PHLDB2: variants seen among roughly 807,000 people sequenced by gnomAD.
The protein encoded by PHLDB2 is pleckstrin homology like domain family B member 2, also known as pleckstrin homology-like domain family B member 2.
A neutral mutation model predicts 123.6 loss-of-function variants in PHLDB2; 71 were observed. The observed-to-expected ratio is 0.57, with a 90% CI of 0.47 to 0.70. The LOEUF (loss-of-function observed/expected upper bound fraction) is 0.70, where lower values mean the gene tolerates loss of function less well. Among genes scored for constraint, PHLDB2 ranks in the 30% least tolerant of loss-of-function variants. The pLI, the probability that PHLDB2 is intolerant of heterozygous loss-of-function variation, is 0.00. For synonymous variants in PHLDB2, 547 were observed against 541.6 expected (o/e 1.01, Z -0.14); for missense variants, 1,446 against 1,519.5 (o/e 0.95, Z 0.80).
chr3:111,755,484 G>A (rs1321079000), intron 1 of PHLDB2, among the ~76,000 whole-genome samples: 10 of 135,948 alleles, frequency 7.4e-5, no homozygotes, highest in Admixed American at 1.5e-4. Flanking sequence ...ATTTCTGTGG[G>A]ATCGGTGGTG....
intron 5 of PHLDB2, among the ~76,000 whole-genome samples, chr3:111,927,642 A>G (rs898451907): frequency 6.6e-6 from 1 of 152,336 alleles, no homozygotes; most frequent in East Asian, 1.9e-4. Flanking sequence ...ATCATTTTGT[A>G]TTGTAATTAT....
chr3:111,845,740 A>G, intron 1 of PHLDB2: 1 of 1,513,290 alleles, frequency 6.6e-7, no homozygotes, highest in Non-Finnish European at 9.1e-7. Flanking sequence ...AGTTCAACAG[A>G]TGAAGTTCTG....
chr3:111,944,941 G>T (rs988043088), intron 8 of PHLDB2, among the ~76,000 whole-genome samples: 1 of 151,964 alleles, frequency 6.6e-6, no homozygotes. Flanking sequence ...AAAGTGCTGG[G>T]GATTACAGGC....
chr3:111,940,233 A>T (rs976997091), intron 7 of PHLDB2, among the ~76,000 whole-genome samples: 3 of 152,212 alleles, frequency 2.0e-5, no homozygotes, highest in Admixed American at 6.5e-5. Flanking sequence ...CATGAGGCGT[A>T]CCCAAGATGT....
chr3:111,930,158 G>T (rs920315561), intron 5 of PHLDB2, among the ~76,000 whole-genome samples: 3 of 151,602 alleles, frequency 2.0e-5, no homozygotes, highest in Non-Finnish European at 4.4e-5. Flanking sequence ...TGATCCGCCT[G>T]CCTCGGCCTC....
chr3:111,794,188 T>C (rs1257518548), intron 1 of PHLDB2, among the ~76,000 whole-genome samples: 2 of 152,096 alleles, frequency 1.3e-5, no homozygotes, highest in Admixed American at 6.6e-5. Context: ...GGATGCATGA[T>C]TCCCCTCTGA....
chr3:111,903,419 A>G (rs1252469956), intron 2 of PHLDB2, among the ~76,000 whole-genome samples: 1 of 152,230 alleles, frequency 6.6e-6, no homozygotes, highest in Non-Finnish European at 1.5e-5. Flanking sequence ...GCAACTGGGC[A>G]GAGCTCTGTT....
intron 1 of PHLDB2, among the ~76,000 whole-genome samples, chr3:111,739,926 G>A (rs9842396): frequency 0.18 from 26,928 of 152,000 alleles, 2,530 homozygotes; most frequent in Admixed American, 0.2. Context: ...ATGACTAGCA[G>A]AATTATGACA....
At chr3:111,801,307 C>T (rs1295285728) in intron 1 of PHLDB2, among the ~76,000 whole-genome samples, 1 of 152,142 alleles carries the variant, frequency 6.6e-6, no homozygotes, top group African/African-American at 2.4e-5. Flanking sequence ...GTTCATGAAG[C>T]AGGCCTCCCT....
rs1294591866 is a variant in PHLDB2 at position 111,845,820 on chromosome 3, G to A, written c.-48-1G>A. On this transcript the variant is annotated splice_acceptor_variant, in intron 1 of 17. Coordinates refer to the PHLDB2 transcript ENST00000393923. LOFTEE classifies it low-confidence loss of function (5UTR_SPLICE). ...TACCTCTCTTTTCTTGCTGTGTGCAGGCTGGCACTGATCCCAGTTTATCCT... is the reference window on the plus strand; with the variant it reads ...TACCTCTCTTTTCTTGCTGTGTGCAAGCTGGCACTGATCCCAGTTTATCCT... 1 of 1,614,112 alleles carries A rather than the reference G, an allele frequency of 6.2e-7. No homozygotes were observed. The highest frequency in any genetic ancestry group is 1.1e-5 in the South Asian group (1 of 91,070).
intron 1 of PHLDB2, among the ~76,000 whole-genome samples, chr3:111,845,148 T>A (rs1486485840): frequency 6.6e-6 from 1 of 151,442 alleles, no homozygotes; most frequent in African/African-American, 2.4e-5. Context: ...AGGTCAGGAG[T>A]TCGAGACCAG....
In PHLDB2 at chr3:111,913,346, A is replaced by T. The variant is rs747845849; in HGVS notation, c.1363A>T (p.Ser455Cys). Residue 455 changes from serine to cysteine, a missense_variant, in exon 3 of 18, where the codon AGT becomes TGT. By Grantham distance (112) the Ser-to-Cys change is moderately radical. Transcript: ENST00000431670. ...LERQRLETIL[S>C]LCAEYTKPDS... ...GAGACAGCGTCTGGAGACCATCCTC[A>T]GTCTCTGTGCTGAATACACAAAGCC... 1.9e-6 allele frequency: 3 copies of T among 1,607,084 alleles called. No homozygotes were observed. Among genetic ancestry groups the T allele is most frequent in the Non-Finnish European group, 1.7e-6 (2 of 1,176,958 alleles).
upstream of PHLDB2, among the ~76,000 whole-genome samples, chr3:111,857,476 A>AAAG (rs1559870507): frequency 5.5e-5 from 8 of 146,438 alleles, no homozygotes; most frequent in Non-Finnish European, 1.2e-4. Flanking sequence ...AAAAGAAAAG[A>AAAG]AAAAAAAATT....
Position 111,886,413 on chromosome 3 carries a change from C to CA in PHLDB2, c.1335+1004dup, listed in dbSNP as rs1576997273. Among the ~76,000 whole-genome samples, 6 of 151,726 alleles carry CA rather than the reference C, an allele frequency of 4.0e-5. No individual in the cohort carries two copies. The South Asian group carries it at 1.3e-3, about 32-fold the overall frequency. ...CTTTGAATGCCACCCAATACAAACTCAAAGTTTCTTAAAACATTATGAGAT... is the reference window on the plus strand; with the variant it reads ...CTTTGAATGCCACCCAATACAAACTCAAAAGTTTCTTAAAACATTATGAGAT... On this transcript the variant is annotated intron_variant, in intron 2 of 17. Coordinates refer to ENST00000431670, the MANE Select transcript of PHLDB2 (RefSeq NM_001134438.2).
chr3:111,839,734 T>C (rs2063585222), intron 1 of PHLDB2, among the ~76,000 whole-genome samples: 1 of 152,274 alleles, frequency 6.6e-6, no homozygotes, highest in Admixed American at 6.5e-5. Flanking sequence ...CATCCTTACC[T>C]TTTTGTAATC....
At chr3:111,953,014 T>C (rs912072424) in intron 11 of PHLDB2, among the ~76,000 whole-genome samples, 5 of 152,208 alleles carry the variant, frequency 3.3e-5, no homozygotes, top group African/African-American at 1.2e-4. Flanking sequence ...TAAGATAGGA[T>C]GTAGCCTCTG....
chr3:111,924,836 T>C (rs1168873237), intron 5 of PHLDB2, among the ~76,000 whole-genome samples: 4 of 152,202 alleles, frequency 2.6e-5, no homozygotes, highest in African/African-American at 9.7e-5. Context: ...TCTTTTGTTT[T>C]TTATTTTTTT....
Position 111,962,312 on chromosome 3 carries a change from G to A in PHLDB2, c.3077G>A (p.Ser1026Asn), listed in dbSNP as rs1230129598. The part of the protein sequence containing the change: ...ISACSPDNIS[S>N]ASTSNIARIE... The stretch of plus-strand genomic sequence containing the variant: ...GCTTGCTCACCAGACAACATCTCTA[G>A]GTAAGATTTATTTATGGGTAAGGTT... Residue 1026 changes from serine to asparagine, a missense_variant and splice_region_variant, in exon 13 of 18, where the codon AGT becomes AAT. Coordinates refer to ENST00000431670, the MANE Select transcript of PHLDB2 (RefSeq NM_001134438.2). The A allele has an allele frequency of 6.3e-7, 1 of 1,589,510 alleles. No homozygotes were observed. Among genetic ancestry groups the A allele is most frequent in the Non-Finnish European group, 8.5e-7 (1 of 1,173,666 alleles).
intron 1 of PHLDB2, among the ~76,000 whole-genome samples, chr3:111,832,608 A>C (rs868737975): frequency 5.5e-5 from 8 of 144,834 alleles, no homozygotes; most frequent in South Asian, 2.1e-4. Context: ...TATTATCTCT[A>C]TATATATAGA....
Sources: allele counts gnomAD v4.1 joint callset (sites outside exome capture counted in the v4.1 genomes callset), GRCh38; gene constraint gnomAD v4.1.1; transcripts MANE v1.5; gene names NCBI Gene and HGNC (gene_info 2026-07-23, HGNC 2026-07-21).